Variants in KIRREL3 observed in about 807,000 individuals in gnomAD.
The protein encoded by KIRREL3 is kirre like nephrin family adhesion molecule 3.
In KIRREL3, 36 loss-of-function variants were observed where a neutral mutation model predicts 89.7. That is an observed-to-expected ratio of 0.40 (90% CI 0.31 to 0.53). The LOEUF (loss-of-function observed/expected upper bound fraction) is 0.53. KIRREL3 is among the 20% of genes least tolerant of loss of function. The pLI, the probability that KIRREL3 is intolerant of heterozygous loss-of-function variation, is 0.49. For synonymous variants in KIRREL3, 445 were observed against 441.4 expected, an observed-to-expected ratio of 1.01 and a Z score of -0.10; for missense variants, 864 against 1,056.6, an observed-to-expected ratio of 0.82 and a Z score of 2.53.
At chr11:126,674,986 G>A (rs1006650560) in intron 1 of KIRREL3, among the ~76,000 whole-genome samples, 31 of 152,312 alleles carry the variant, frequency 2.0e-4, no homozygotes, top group African/African-American at 7.2e-4. Flanking sequence ...TTTGCCTCAC[G>A]TCAAGAGGAA....
rs1949844288 is a variant in KIRREL3 at position 126,766,983 on chromosome 11, T to TGAGGAGG, written c.56-204078_56-204072dup. ...GGCACATAGATTAGAGACTCTGCAT[T>TGAGGAGG]GAGGAGGGGGTACTTGGTGGCTCTT... On this transcript the variant is annotated intron_variant, in intron 1 of 16. Coordinates refer to ENST00000525144, the MANE Select transcript of KIRREL3 (RefSeq NM_032531.4). This position sits in a 1 kb window ranked among gnomAD's most constrained non-coding sequence, Gnocchi z 4.2. Among the ~76,000 whole-genome samples, 1 of 152,138 alleles carries TGAGGAGG rather than the reference T, an allele frequency of 6.6e-6. No homozygotes were observed. Among genetic ancestry groups the TGAGGAGG allele is most frequent in the Admixed American group, 6.6e-5 (1 of 15,262 alleles).
chr11:126,446,247 T>C (rs1443245404), intron 9 of KIRREL3, among the ~76,000 whole-genome samples: 1 of 147,420 alleles, frequency 6.8e-6, no homozygotes, highest in East Asian at 2.0e-4. Flanking sequence ...GGCTCTTTCT[T>C]TCTCTTTCTT....
chr11:126,648,711 TAATA>T (rs1437654325), intron 1 of KIRREL3, among the ~76,000 whole-genome samples: 1 of 152,254 alleles, frequency 6.6e-6, no homozygotes, highest in East Asian at 1.9e-4. Flanking sequence ...TGAGTGCATG[TAATA>T]AATAGTGCTG....
At chr11:126,777,526 C>G (rs1365002590) in intron 1 of KIRREL3, among the ~76,000 whole-genome samples, 1 of 152,170 alleles carries the variant, frequency 6.6e-6, no homozygotes, top group Non-Finnish European at 1.5e-5. Context: ...CAGAGCAGAG[C>G]TGACTCCCAG....
chr11:126,755,132 GGAAGAATTATCCTGACAA>G lies in KIRREL3; in HGVS notation c.56-192238_56-192221del. Reference sequence around the variant, plus strand: ...TCCTAGTTTGTTTTAAATCTTGATTGGAAGAATTATCCTGACAAGAAAATTAGTAGTAAGTCAATAAGT... The same window carrying G: ...TCCTAGTTTGTTTTAAATCTTGATTGGAAAATTAGTAGTAAGTCAATAAGT... On this transcript the variant is annotated intron_variant, in intron 1 of 16. Transcript: ENST00000525144. This position sits in a 1 kb window ranked among gnomAD's most constrained non-coding sequence, Gnocchi z 4.3. Among the ~76,000 whole-genome samples the G allele has an allele frequency of 6.6e-6, 1 of 152,268 alleles. No homozygotes were observed. The highest frequency in any genetic ancestry group is 1.5e-5 in the Non-Finnish European group (1 of 68,016).
At chr11:126,971,578 G>A (rs1013061395) in intron 1 of KIRREL3, among the ~76,000 whole-genome samples, 3 of 152,148 alleles carry the variant, frequency 2.0e-5, no homozygotes, top group Admixed American at 6.5e-5. Context: ...CTATAGGAGA[G>A]TGAGTTCCTG....
At chr11:126,998,179 G>T (rs973278489) in intron 1 of KIRREL3, among the ~76,000 whole-genome samples, 2 of 152,188 alleles carry the variant, frequency 1.3e-5, no homozygotes, top group Admixed American at 1.3e-4. Context: ...TGTGAGGATG[G>T]TCAAATAGAA....
intron 1 of KIRREL3, among the ~76,000 whole-genome samples, chr11:126,581,461 CA>C (rs915620511): frequency 1.3e-5 from 2 of 152,190 alleles, no homozygotes; most frequent in East Asian, 3.9e-4. Context: ...CTCAGCCTCC[CA>C]AAGTGCTGGG....
At chr11:126,939,257 C>A (rs1451490949) in intron 1 of KIRREL3, among the ~76,000 whole-genome samples, 3 of 152,198 alleles carry the variant, frequency 2.0e-5, no homozygotes, top group Non-Finnish European at 4.4e-5. Flanking sequence ...AGATGGGCAA[C>A]ATCATCTATC....
chr11:126,923,206 T>TCTTCTC (rs1947485066), intron 1 of KIRREL3, among the ~76,000 whole-genome samples: 2 of 9,330 alleles, frequency 2.1e-4, no homozygotes, highest in Non-Finnish European at 1.8e-4. Flanking sequence ...TTCTTCTTCT[T>TCTTCTC]CTTCTTCTTC....
intron 1 of KIRREL3, among the ~76,000 whole-genome samples, chr11:126,818,624 AGTGTGT>A (rs758712840): frequency 3.5e-5 from 2 of 56,658 alleles, no homozygotes; most frequent in Admixed American, 3.5e-4. Flanking sequence ...TAGTAGTAGT[AGTGTGT>A]GTGTGTGTGT....
Position 126,431,058 on chromosome 11 carries a change from G to T in KIRREL3, c.1696+361C>A. Reference sequence around the variant, plus strand: ...TTTATTTTTATTTTGTTGTAGAGATGGGGTCTCTCTAGACTAACAGCTCTT... The same window carrying T: ...TTTATTTTTATTTTGTTGTAGAGATTGGGTCTCTCTAGACTAACAGCTCTT... On this transcript the variant is annotated intron_variant, in intron 14 of 16. Coordinates refer to ENST00000525144, the MANE Select transcript of KIRREL3 (RefSeq NM_032531.4). The surrounding 1 kb of genome is among the most constrained non-coding windows in gnomAD (Gnocchi z 7.1). 1 of 1,280,898 alleles carries T rather than the reference G, an allele frequency of 7.8e-7. No homozygotes were observed. The highest frequency in any genetic ancestry group is 9.9e-7 in the Non-Finnish European group (1 of 1,014,842). 79.3% of individuals were successfully genotyped at this position (1,280,898 alleles called of 1,614,324 possible).
At position 126,550,254 on chromosome 11, in the gene KIRREL3, C is replaced by T. The variant is rs1304885536; in HGVS notation, c.133+12581G>A. 1 of 152,192 alleles carries T rather than the reference C, an allele frequency of 6.6e-6. No homozygotes were observed. The highest frequency in any genetic ancestry group is 1.5e-5 in the Non-Finnish European group (1 of 68,056). The allele number at this position is 152,192 out of a possible 1,614,324, so 9.4% of individuals were successfully genotyped here. On this transcript the variant is annotated intron_variant, in intron 2 of 16. Coordinates refer to ENST00000525144, the MANE Select transcript of KIRREL3 (RefSeq NM_032531.4). The surrounding 1 kb of genome is among the most constrained non-coding windows in gnomAD (Gnocchi z 4.9). The stretch of plus-strand genomic sequence containing the variant: ...TTGGCAGGGATATGGAACCAGATGA[C>T]CTTTGGTCCCTTCTGGCCTGGAGAA...
At chr11:126,907,202 C>T (rs1216663026) in intron 1 of KIRREL3, among the ~76,000 whole-genome samples, 1 of 152,208 alleles carries the variant, frequency 6.6e-6, no homozygotes, top group African/African-American at 2.4e-5. Flanking sequence ...TAGACCCCCA[C>T]TGATTGGATA....
chr11:126,953,648 T>C lies in KIRREL3; in HGVS notation c.55+46807A>G, dbSNP rs1238309942. Reference sequence around the variant, plus strand: ...AGAGAGAGAGAACGACCAAGTACGATGACAAGATAAAAAGGCTGATTGCTG... The same window carrying C: ...AGAGAGAGAGAACGACCAAGTACGACGACAAGATAAAAAGGCTGATTGCTG... On this transcript the variant is annotated intron_variant, in intron 1 of 16. Transcript: ENST00000525144. The surrounding 1 kb of genome is among the most constrained non-coding windows in gnomAD (Gnocchi z 5.2). Among the ~76,000 whole-genome samples, 1 of 151,544 alleles carries C rather than the reference T, an allele frequency of 6.6e-6. No individual in the cohort carries two copies. The highest frequency in any genetic ancestry group is 1.9e-4 in the East Asian group (1 of 5,162).
At position 126,531,738 on chromosome 11, in the gene KIRREL3, A is replaced by C. The variant is rs894827654; in HGVS notation, c.134-5051T>G. ...TCCAAACCTTTATTGAGCACCTACT[A>C]TATGTCAGATGCTGATGAAACAGAA... is the stretch of plus-strand genomic sequence containing the variant. On this transcript the variant is annotated intron_variant, in intron 2 of 16. Transcript: ENST00000525144. This position sits in a 1 kb window ranked among gnomAD's most constrained non-coding sequence, Gnocchi z 4.7. Among the ~76,000 whole-genome samples, 2 of 152,090 alleles carry C rather than the reference A, an allele frequency of 1.3e-5. No homozygotes were observed. Among genetic ancestry groups the C allele is most frequent in the African/African-American group, 2.4e-5 (1 of 41,398 alleles).
rs1175935318 is a variant in KIRREL3 at position 126,569,966 on chromosome 11, T to C, written c.56-7054A>G. ...GCATCGGTTCTGCCTACTCCTATTT[T>C]CAGCATAATTACTCATATCCCAGGC... On this transcript the variant is annotated intron_variant, in intron 1 of 16. Coordinates refer to ENST00000525144, the MANE Select transcript of KIRREL3 (RefSeq NM_032531.4). This position sits in a 1 kb window ranked among gnomAD's most constrained non-coding sequence, Gnocchi z 6.5. Among the ~76,000 whole-genome samples, 1 of 152,176 alleles carries C rather than the reference T, an allele frequency of 6.6e-6. No individual in the cohort carries two copies. Among genetic ancestry groups the C allele is most frequent in the South Asian group, 2.1e-4 (1 of 4,822 alleles).
chr11:126,644,322 T>C (rs925063950), intron 1 of KIRREL3, among the ~76,000 whole-genome samples: 1 of 151,194 alleles, frequency 6.6e-6, no homozygotes, highest in Non-Finnish European at 1.5e-5. Context: ...AGTGGGAAAA[T>C]AGGAAAGGAT....
rs1023865866 is a variant in KIRREL3 at position 126,682,197 on chromosome 11, T to C, written c.56-119285A>G. On this transcript the variant is annotated intron_variant, in intron 1 of 16. Coordinates refer to ENST00000525144, the MANE Select transcript of KIRREL3 (RefSeq NM_032531.4). This position sits in a 1 kb window ranked among gnomAD's most constrained non-coding sequence, Gnocchi z 4.8. Reference sequence around the variant, plus strand: ...GTGTGCACAGATTCTGTGTACTAGGTCTGTGGGCTCTGCAAGACTCAAAAT... The same window carrying C: ...GTGTGCACAGATTCTGTGTACTAGGCCTGTGGGCTCTGCAAGACTCAAAAT... 1 of 245,666 alleles carries C rather than the reference T, an allele frequency of 4.1e-6. No homozygotes were observed. The highest frequency in any genetic ancestry group is 2.2e-5 in the African/African-American group (1 of 44,820). The allele number at this position is 245,666 out of a possible 1,614,324, so 15.2% of individuals were successfully genotyped here. A position where few individuals can be genotyped will look rare whatever the true frequency, so the allele number is the denominator to read the frequency against.
Sources: gnomAD v4.1 joint callset for allele counts (sites outside exome capture counted in the v4.1 genomes callset) on GRCh38, gnomAD v4.1.1 for gene constraint, Gnocchi (gnomAD v3.1) non-coding constraint, MANE v1.5 for transcripts, NCBI Gene and HGNC (gene_info 2026-07-23, HGNC 2026-07-21) for gene names.